MATN4: variants seen among roughly 807,000 people sequenced by gnomAD.
MATN4 encodes matrilin 4.
MATN4 carries 40 observed loss-of-function variants against 54.6 expected under a neutral mutation model. That is an observed-to-expected ratio of 0.73 (90% CI 0.57 to 0.95). The LOEUF (loss-of-function observed/expected upper bound fraction) is 0.95, where lower values mean the gene tolerates loss of function less well. Among genes scored for constraint, MATN4 ranks in the 40% least tolerant of loss-of-function variants. MATN4 has a pLI of 0.00. For synonymous variants in MATN4, 351 were observed against 345.3 expected (o/e 1.02, Z -0.18); for missense variants, 810 against 819.1 (o/e 0.99, Z 0.13).
intron 8 of MATN4, among the ~76,000 whole-genome samples, chr20:45,295,591 G>A (rs1027081191): frequency 9.2e-5 from 14 of 152,216 alleles, no homozygotes; most frequent in Non-Finnish European, 1.8e-4. Context: ...GTTTCACTGT[G>A]TTAGCCAGGA....
In MATN4 at chr20:45,301,028, C is replaced by T; in HGVS notation, c.890-19G>A. The T allele has an allele frequency of 3.7e-6, 6 of 1,614,022 alleles. No individual in the cohort carries two copies. Among genetic ancestry groups the T allele is most frequent in the Non-Finnish European group, 4.2e-6 (5 of 1,179,966 alleles). ...TCCCGGACTGAAAGGAGAGACAGGT[C>T]AGGATGAGTCAGGATGGACCCCACC... On this transcript the variant is annotated intron_variant, in intron 5 of 9. Coordinates refer to ENST00000372756, the MANE Select transcript of MATN4 (RefSeq NM_001393530.1).
rs1037228755 is a variant in MATN4, at chr20:45,302,853, C to T, written c.643+1375G>A. Among the ~76,000 whole-genome samples, 6 of 152,050 alleles carry T rather than the reference C, an allele frequency of 3.9e-5. No individual in the cohort carries two copies. In the East Asian group the frequency reaches 5.8e-4, roughly 15 times the overall value. ...ATCCCAGCGCTTTGGGAGGCCAAGG[C>T]GGGCAGATCACTTGAGGTCAGGAGT... On this transcript the variant is annotated intron_variant, in intron 3 of 9. Coordinates refer to ENST00000372756, the MANE Select transcript of MATN4 (RefSeq NM_001393530.1).
rs1471710500 is a variant in MATN4 at position 45,304,335 on chromosome 20, C to T, written c.536G>A (p.Gly179Asp). ...YAVGVQRADV[G>D]SLRAMASPPL... ...GGGCGATGCCATGGCGCGCAGGGAG[C>T]CCACGTCCGCGCGCTGCACCCCCAC... The change falls in exon 3 of 10, where the codon GGC (glycine) becomes GAC (aspartate). Residue 179 changes from glycine to aspartate, a missense_variant. Coordinates refer to ENST00000372756, the MANE Select transcript of MATN4 (RefSeq NM_001393530.1). The T allele has an allele frequency of 6.6e-7, 1 of 1,512,186 alleles. No homozygotes were observed. 93.7% of individuals were successfully genotyped at this position (1,512,186 alleles called of 1,614,324 possible). A position where few individuals can be genotyped will look rare whatever the true frequency, so the allele number is the denominator to read the frequency against.
intron 6 of MATN4, among the ~76,000 whole-genome samples, chr20:45,299,492 C>T (rs11906694): frequency 0.25 from 38,489 of 151,934 alleles, 5,097 homozygotes; most frequent in Admixed American, 0.33. Flanking sequence ...TGAAACCCTA[C>T]GCCTTTATGT....
chr20:45,293,832 G>T lies in MATN4; in HGVS notation c.1688-7C>A, dbSNP rs200891394. On this transcript the variant is annotated splice_region_variant and splice_polypyrimidine_tract_variant and intron_variant, in intron 9 of 9. Transcript: ENST00000372756. ...CGCGCCGTCAGCTGGGCCAGTGAGC[G>T]GTTAAGGAGGCCGTTGGGGTTCGCC... 1.2e-4 allele frequency: 194 copies of T among 1,611,350 alleles called. No homozygotes were observed. In the East Asian group the frequency reaches 3.9e-3, roughly 33 times the overall value.
intron 3 of MATN4, 63 bp downstream of exon 3, chr20:45,304,158 TGTGGTGG>T: frequency 7.5e-7 from 1 of 1,330,968 alleles, no homozygotes; most frequent in East Asian, 2.7e-5. Context: ...TGGGATTTAC[TGTGGTGG>T]GAAAGGAATC....
intron 3 of MATN4, chr20:45,303,491 C>T (rs1331601523): frequency 1.4e-6 from 1 of 715,476 alleles, no homozygotes; most frequent in Non-Finnish European, 2.6e-6. Flanking sequence ...CCATGTCCCC[C>T]CTCAGCACAC....
chr20:45,304,248 T>G lies in MATN4; in HGVS notation c.623A>C (p.Gln208Pro). The stretch of plus-strand genomic sequence containing the variant: ...CTCACCACACAGCCGGCTCTGGAAC[T>G]GCAGGCCGAACTCCTGGATGAGGTC... ...SFDLIQEFGL[Q>P]FQSRLCAIDL... The change falls in exon 3 of 10, where the codon CAG becomes CCG. Residue 208 changes from glutamine to proline, a missense_variant. Coordinates refer to ENST00000372756, the MANE Select transcript of MATN4 (RefSeq NM_001393530.1). The G allele has an allele frequency of 6.5e-7, 1 of 1,532,612 alleles. No individual in the cohort carries two copies. The highest frequency in any genetic ancestry group is 8.7e-7 in the Non-Finnish European group (1 of 1,144,214). 94.9% of individuals were successfully genotyped at this position (1,532,612 alleles called of 1,614,324 possible).
intron 8 of MATN4, among the ~76,000 whole-genome samples, chr20:45,294,509 C>G (rs1433751167): frequency 6.6e-6 from 1 of 152,268 alleles, no homozygotes; most frequent in Non-Finnish European, 1.5e-5. Flanking sequence ...TGTTCTACAT[C>G]TGCCCTGTCC....
Position 45,293,765 on chromosome 20 carries a change from CCT to C in MATN4, c.1746_*1del. 1.2e-6 allele frequency: 2 copies of C among 1,606,548 alleles called. No individual in the cohort carries two copies. Among genetic ancestry groups the C allele is most frequent in the Non-Finnish European group, 1.7e-6 (2 of 1,179,268 alleles). On this transcript the variant is annotated stop_lost and 3_prime_UTR_variant, in exon 10 of 10. Coordinates refer to ENST00000372756, the MANE Select transcript of MATN4 (RefSeq NM_001393530.1). ...AGCCCGGGTCTGGGCCGTCCGTGGC[CCT>C]CACTTCTGGTTGGCCAGCTGGTTCT...
intron 1 of MATN4, 30 bp from the exon 2 acceptor site, chr20:45,305,646 A>G: frequency 2.6e-6 from 3 of 1,145,600 alleles, no homozygotes; most frequent in Non-Finnish European, 3.9e-6. Context: ...TAGAAAAGCA[A>G]CAGTATTTAC....
intron 3 of MATN4, 124 bp downstream of exon 3, chr20:45,304,104 T>A (rs1430121813): frequency 1.3e-6 from 1 of 788,314 alleles, no homozygotes; most frequent in Non-Finnish European, 1.9e-6. Flanking sequence ...CTGCGGTAGG[T>A]CAGGGCAACT....
At position 45,308,249 on chromosome 20, in the gene MATN4, C is replaced by G. The variant is rs765057336; in HGVS notation, c.-109G>C. 2 of 1,607,092 alleles carry G rather than the reference C, an allele frequency of 1.2e-6. No homozygotes were observed. The highest frequency in any genetic ancestry group is 2.7e-5 in the African/African-American group (2 of 74,786). On this transcript the variant is annotated 5_prime_UTR_variant, in exon 1 of 10. Transcript: ENST00000372756. ...GGCGGAGCCTCCCGGGCACTTGGAC[C>G]AGGTAACGGCGGCGTGGCAGCGTGC...
At chr20:45,301,514 G>A in intron 3 of MATN4, 71 bp from the exon 4 acceptor site, 1 of 1,519,356 alleles carries the variant, frequency 6.6e-7, no homozygotes, top group South Asian at 1.2e-5. Flanking sequence ...ACCACCTAAG[G>A]AAATTTTAAA....
At chr20:45,304,100 T>C (rs1986410372) in intron 3 of MATN4, 128 bp downstream of exon 3, 1 of 718,132 alleles carries the variant, frequency 1.4e-6, no homozygotes, top group South Asian at 3.1e-5. Flanking sequence ...CAGCCTGCGG[T>C]AGGTCAGGGC....
At chr20:45,308,450 G>A, upstream of MATN4, 2 of 578,698 alleles carry the variant, frequency 3.5e-6, no homozygotes, top group Non-Finnish European at 6.2e-6. Context: ...ACCACGCTTG[G>A]AGCTGCAGAC....
chr20:45,293,671 G>A lies in MATN4; in HGVS notation c.*96C>T. The A allele has an allele frequency of 2.5e-6, 3 of 1,205,492 alleles. No individual in the cohort carries two copies. Among genetic ancestry groups the A allele is most frequent in the Non-Finnish European group, 3.4e-6 (3 of 890,154 alleles). The allele number at this position is 1,205,492 out of a possible 1,614,324, so 74.7% of individuals were successfully genotyped here. A position where few individuals can be genotyped will look rare whatever the true frequency, so the allele number is the denominator to read the frequency against. ...CCGCCCCGACAGCCCAAGCCGGACG[G>A]GCCCAGGTTCTGCCTGGCCCCGGCG... On this transcript the variant is annotated 3_prime_UTR_variant, in exon 10 of 10. Coordinates refer to ENST00000372756, the MANE Select transcript of MATN4 (RefSeq NM_001393530.1).
Position 45,293,906 on chromosome 20 carries a change from A to G in MATN4, c.1687+2T>C, listed in dbSNP as rs143417497. ...GCCCGCGCCACCAGCCCCAAAGGAT[A>G]TGGTTCAGCGTCAGGCTCTCGAGCG... On this transcript the variant is annotated splice_donor_variant, in intron 9 of 9. Coordinates refer to ENST00000372756, the MANE Select transcript of MATN4 (RefSeq NM_001393530.1). LOFTEE classifies it high-confidence loss of function. 135 of 1,605,206 alleles carry G rather than the reference A, an allele frequency of 8.4e-5. No homozygotes were observed. Among genetic ancestry groups the G allele is most frequent in the Admixed American group, 1.2e-4 (7 of 59,424 alleles).
intron 3 of MATN4, chr20:45,303,434 AG>A: frequency 1.4e-6 from 1 of 717,248 alleles, no homozygotes; most frequent in Non-Finnish European, 2.6e-6. Flanking sequence ...CCTGGGTTGC[AG>A]GTGCAGTGGA....
Sources: gnomAD v4.1 joint callset for allele counts (sites outside exome capture counted in the v4.1 genomes callset) on GRCh38, gnomAD v4.1.1 for gene constraint, MANE v1.5 for transcripts, NCBI Gene and HGNC (gene_info 2026-07-23, HGNC 2026-07-21) for gene names.